Variants in ZMAT4 observed in about 807,000 individuals in gnomAD.
ZMAT4 encodes zinc finger matrin-type protein 4.
A neutral mutation model predicts 28.7 loss-of-function variants in ZMAT4; 17 were observed. The ratio of observed to expected loss-of-function variants is 0.59; its 90% CI spans 0.41 to 0.89. ZMAT4 has a LOEUF of 0.89. ZMAT4 is among the 40% of genes least tolerant of loss of function. The pLI, the probability that ZMAT4 is intolerant of heterozygous loss-of-function variation, is 0.00. For synonymous variants in ZMAT4, 117 were observed against 109.2 expected (o/e 1.07, Z -0.44); for missense variants, 240 against 283.8 (o/e 0.85, Z 1.11).
At chr8:40,747,482 A>G (rs771325129) in intron 3 of ZMAT4, among the ~76,000 whole-genome samples, 1 of 151,710 alleles carries the variant, frequency 6.6e-6, no homozygotes, top group Non-Finnish European at 1.5e-5. Flanking sequence ...TTTTCCCTCG[A>G]TAGCACTCTA....
chr8:40,539,831 C>G (rs1414658125), intron 6 of ZMAT4, among the ~76,000 whole-genome samples: 1 of 152,168 alleles, frequency 6.6e-6, no homozygotes, highest in African/African-American at 2.4e-5. Flanking sequence ...ATAGCAGTAT[C>G]TTTGTAATTC....
At chr8:40,854,784 C>T (rs914231011) in intron 1 of ZMAT4, among the ~76,000 whole-genome samples, 3 of 152,100 alleles carry the variant, frequency 2.0e-5, no homozygotes, top group Non-Finnish European at 4.4e-5. Context: ...AAGGCAAAAG[C>T]CCCTGCCTGG....
At chr8:40,686,948 G>A (rs191624985) in intron 4 of ZMAT4, among the ~76,000 whole-genome samples, 4 of 152,192 alleles carry the variant, frequency 2.6e-5, no homozygotes, top group Admixed American at 6.5e-5. Flanking sequence ...ATCCCACATT[G>A]CTGGGCTGTG....
At chr8:40,871,860 A>G (rs2150654746) in intron 1 of ZMAT4, among the ~76,000 whole-genome samples, 1 of 152,340 alleles carries the variant, frequency 6.6e-6, no homozygotes, top group African/African-American at 2.4e-5. Context: ...GGATTTGACA[A>G]ACTACCTCCT....
chr8:40,579,028 T>C (rs1255303371), intron 6 of ZMAT4, among the ~76,000 whole-genome samples: 3 of 152,208 alleles, frequency 2.0e-5, no homozygotes, highest in Non-Finnish European at 4.4e-5. Context: ...TCTCTAAGCA[T>C]TAGTTTTCTC....
intron 5 of ZMAT4, among the ~76,000 whole-genome samples, chr8:40,651,760 C>A (rs1267514546): frequency 1.3e-5 from 2 of 150,182 alleles, no homozygotes; most frequent in Admixed American, 6.7e-5. Context: ...CAGAACAGAG[C>A]CCTCAGAAAT....
At chr8:40,602,083 T>C (rs2012261) in intron 5 of ZMAT4, among the ~76,000 whole-genome samples, 4 of 151,940 alleles carry the variant, frequency 2.6e-5, no homozygotes, top group African/African-American at 9.7e-5. Flanking sequence ...CCTCATAGCC[T>C]AGCTCTCACT....
At chr8:40,687,364 C>T (rs988885284) in intron 4 of ZMAT4, among the ~76,000 whole-genome samples, 1 of 151,982 alleles carries the variant, frequency 6.6e-6, no homozygotes, top group African/African-American at 2.4e-5. Context: ...GCTGACTGTC[C>T]CGGGGAGGGC....
intron 1 of ZMAT4, among the ~76,000 whole-genome samples, chr8:40,830,944 C>T (rs1816258663): frequency 6.6e-6 from 1 of 152,128 alleles, no homozygotes. Context: ...TGTAGATAAA[C>T]CATCTAGCAC....
intron 3 of ZMAT4, among the ~76,000 whole-genome samples, chr8:40,764,410 G>A (rs1239058642): frequency 2.0e-5 from 3 of 152,210 alleles, no homozygotes; most frequent in Non-Finnish European, 4.4e-5. Flanking sequence ...GCCTGAAGTA[G>A]AAATGGCAAC....
At chr8:40,808,665 G>T in intron 2 of ZMAT4, 1 of 374,128 alleles carries the variant, frequency 2.7e-6, no homozygotes, top group Non-Finnish European at 5.4e-6. Context: ...TTCACTCAGG[G>T]GAGGTAACAA....
At chr8:40,778,319 A>T (rs1813690159) in intron 2 of ZMAT4, among the ~76,000 whole-genome samples, 1 of 152,250 alleles carries the variant, frequency 6.6e-6, no homozygotes, top group Non-Finnish European at 1.5e-5. Flanking sequence ...ACCTGAAAAA[A>T]GTGATCAGCG....
chr8:40,655,693 A>G (rs1269109446), intron 5 of ZMAT4, among the ~76,000 whole-genome samples: 3 of 152,120 alleles, frequency 2.0e-5, no homozygotes, highest in African/African-American at 7.2e-5. Context: ...AGGTGCCATG[A>G]CAATGCAATA....
chr8:40,696,940 T>A (rs1417991946), intron 4 of ZMAT4: 4 of 226,318 alleles, frequency 1.8e-5, no homozygotes, highest in Non-Finnish European at 2.6e-5. Context: ...ACAGAATAGA[T>A]ATCACATCTT....
chr8:40,560,553 T>C (rs1803703152), intron 6 of ZMAT4, among the ~76,000 whole-genome samples: 1 of 151,994 alleles, frequency 6.6e-6, no homozygotes, highest in Admixed American at 6.6e-5. Flanking sequence ...AGATTCAAAA[T>C]GGAGTCACTT....
At chr8:40,601,644 GAAA>G (rs1563360881) in intron 5 of ZMAT4, among the ~76,000 whole-genome samples, 2 of 26,896 alleles carry the variant, frequency 7.4e-5, no homozygotes, top group African/African-American at 2.3e-4. Context: ...GAGAAAGAAA[GAAA>G]GAAAGAAAGA....
chr8:40,887,489 A>AG (rs1818499601), intron 1 of ZMAT4, among the ~76,000 whole-genome samples: 1 of 130,382 alleles, frequency 7.7e-6, no homozygotes, highest in Admixed American at 7.4e-5. Flanking sequence ...ACTTCATCTC[A>AG]GAAAAAAAAA....
intron 1 of ZMAT4, among the ~76,000 whole-genome samples, chr8:40,849,907 G>A (rs1490503516): frequency 6.6e-6 from 1 of 152,100 alleles, no homozygotes; most frequent in African/African-American, 2.4e-5. Flanking sequence ...CTGCCCCGGA[G>A]GCTTCCCCAC....
At chr8:40,590,791 G>T (rs752902997) in intron 5 of ZMAT4, among the ~76,000 whole-genome samples, 2 of 151,806 alleles carry the variant, frequency 1.3e-5, no homozygotes, top group Non-Finnish European at 2.9e-5. Context: ...ATTCCCTTAA[G>T]ACTTTTCTAC....
Sources: allele counts gnomAD v4.1 joint callset (sites outside exome capture counted in the v4.1 genomes callset), GRCh38; gene constraint gnomAD v4.1.1; transcripts MANE v1.5; gene names NCBI Gene and HGNC (gene_info 2026-07-23, HGNC 2026-07-21).